Variants in KMT2C observed in about 807,000 individuals in gnomAD.
KMT2C encodes the protein histone-lysine N-methyltransferase 2C.
KMT2C carries 88 observed loss-of-function variants against 507.9 expected under a neutral mutation model. The observed-to-expected ratio is 0.17, with a 90% confidence interval of 0.15 to 0.21. The LOEUF (loss-of-function observed/expected upper bound fraction) is 0.21. Among genes scored for constraint, KMT2C ranks in the 10% least tolerant of loss-of-function variants. The pLI is 1.00. For synonymous variants in KMT2C, 2,049 were observed against 2,080.8 expected (o/e 0.98, Z 0.42); for missense variants, 4,954 against 5,957.8 (o/e 0.83, Z 5.55).
At chr7:152,175,029 C>T (rs2093135904) in intron 38 of KMT2C, among the ~76,000 whole-genome samples, 1 of 152,082 alleles carries the variant, frequency 6.6e-6, no homozygotes, top group East Asian at 1.9e-4. Context: ...AATGTAGGAA[C>T]TAAGAAGACA....
At chr7:152,360,587 ACT>A (rs1439047355) in intron 1 of KMT2C, among the ~76,000 whole-genome samples, 7 of 151,634 alleles carry the variant, frequency 4.6e-5, no homozygotes, top group Admixed American at 4.6e-4. Context: ...TAATCCCAGC[ACT>A]CTGAGAGGCC....
intron 48 of KMT2C, among the ~76,000 whole-genome samples, chr7:152,153,731 TAAAAAAA>T (rs34303062): frequency 7.7e-6 from 1 of 129,446 alleles, no homozygotes; most frequent in Non-Finnish European, 1.7e-5. Flanking sequence ...GTGTCTCTAT[TAAAAAAA>T]AAAAAAAAAA....
chr7:152,255,122 T>TAC (rs1170421215), intron 9 of KMT2C, among the ~76,000 whole-genome samples: 7 of 111,590 alleles, frequency 6.3e-5, no homozygotes, highest in Admixed American at 2.5e-4. Context: ...TATATATATA[T>TAC]ATATATATAT....
intron 40 of KMT2C, among the ~76,000 whole-genome samples, chr7:152,170,424 A>G (rs1329470212): frequency 6.6e-6 from 1 of 152,212 alleles, no homozygotes; most frequent in Non-Finnish European, 1.5e-5. Flanking sequence ...GCTTGATATT[A>G]TATTAAAAAT....
At chr7:152,169,023 G>A (rs1045781106) in intron 41 of KMT2C, among the ~76,000 whole-genome samples, 163 bp downstream of exon 41, 3 of 152,182 alleles carry the variant, frequency 2.0e-5, no homozygotes, top group South Asian at 2.1e-4. Context: ...GAAAACACAC[G>A]CCTTGAAGAA....
At chr7:152,158,377 C>G (rs2092223074) in intron 44 of KMT2C, among the ~76,000 whole-genome samples, 2 of 152,160 alleles carry the variant, frequency 1.3e-5, no homozygotes, top group African/African-American at 4.8e-5. Flanking sequence ...TTGACTATCA[C>G]CTATCAATCC....
intron 6 of KMT2C, among the ~76,000 whole-genome samples, chr7:152,288,563 T>TA (rs2096350279): frequency 5.7e-4 from 86 of 151,300 alleles, no homozygotes; most frequent in African/African-American, 1.9e-3. Flanking sequence ...TATTTTTTTT[T>TA]TAAAAAAGAC....
chr7:152,430,707 TAG>T (rs2097856567), intron 1 of KMT2C, among the ~76,000 whole-genome samples: 1 of 152,192 alleles, frequency 6.6e-6, no homozygotes, highest in Admixed American at 6.5e-5. Context: ...AATTTTTTTG[TAG>T]AGACAAGGCC....
chr7:152,195,976 C>G lies in KMT2C; in HGVS notation c.4309G>C (p.Val1437Leu). 1 of 1,609,620 alleles carries G rather than the reference C, an allele frequency of 6.2e-7. No individual in the cohort carries two copies. The highest frequency in any genetic ancestry group is 8.5e-7 in the Non-Finnish European group (1 of 1,176,900). ...ADDPLADISEVLNTDDDILGI... is the reference protein window; with the variant it reads ...ADDPLADISELLNTDDDILGI... ...AGAATGTCATCATCTGTGTTTAAAA[C>G]TTCAGAAATATCAGCTAATGGGTCA... Residue 1437 changes from valine to leucine, a missense_variant, in exon 28 of 59, where the codon GTT becomes CTT. This residue lies in a region of KMT2C where 140 missense variants were observed against 118.4 expected (regional missense o/e 1.18). Coordinates refer to ENST00000262189, the MANE Select transcript of KMT2C (RefSeq NM_170606.3).
chr7:152,264,108 A>G (rs1395871109), intron 8 of KMT2C, among the ~76,000 whole-genome samples: 4 of 152,198 alleles, frequency 2.6e-5, no homozygotes, highest in Admixed American at 2.6e-4. Context: ...ATCCTTCCCA[A>G]GAAACTGAGC....
chr7:152,367,362 C>G, intron 1 of KMT2C: 3 of 747,018 alleles, frequency 4.0e-6, no homozygotes, highest in Non-Finnish European at 6.9e-6. Context: ...CCAGGGAGCA[C>G]CTACCAGGGG....
intron 48 of KMT2C, among the ~76,000 whole-genome samples, chr7:152,153,605 T>G (rs548904949): frequency 6.6e-6 from 1 of 152,246 alleles, no homozygotes; most frequent in Non-Finnish European, 1.5e-5. Context: ...CTCACACATG[T>G]AGTCCCAGCT....
Position 152,199,337 on chromosome 7 carries a change from A to G in KMT2C, c.4215T>C (p.Asp1405=). Reference sequence around the variant, plus strand: ...AACTAAGTAGTGGATCTAAGGAAGGATCCAAGAAACCTGTGTTCATGTTTG... The same window carrying G: ...AACTAAGTAGTGGATCTAAGGAAGGGTCCAAGAAACCTGTGTTCATGTTTG... ...YKTNMNTGFL[D]PSLDPLLSSS... Residue 1405 remains aspartate (D), a synonymous_variant, in exon 27 of 59, where the codon GAT becomes GAC. Coordinates refer to ENST00000262189, the MANE Select transcript of KMT2C (RefSeq NM_170606.3). The G allele has an allele frequency of 1.2e-6, 2 of 1,605,610 alleles. No individual in the cohort carries two copies. The highest frequency in any genetic ancestry group is 1.7e-6 in the Non-Finnish European group (2 of 1,177,354).
chr7:152,369,694 G>A, intron 1 of KMT2C, among the ~76,000 whole-genome samples: 1 of 152,152 alleles, frequency 6.6e-6, no homozygotes, highest in East Asian at 1.9e-4. Context: ...GCCTCTCTTT[G>A]CAAACATGTG....
chr7:152,151,276 T>C (rs2129096541), intron 50 of KMT2C, among the ~76,000 whole-genome samples, 166 bp downstream of exon 50: 1 of 152,296 alleles, frequency 6.6e-6, no homozygotes, highest in Non-Finnish European at 1.5e-5. Flanking sequence ...TTGTAGCTCT[T>C]TGGTGTTCAG....
At chr7:152,350,701 A>G (rs2097103608) in intron 2 of KMT2C, among the ~76,000 whole-genome samples, 1 of 152,252 alleles carries the variant, frequency 6.6e-6, no homozygotes, top group Admixed American at 6.5e-5. Flanking sequence ...TAAAGGCCTC[A>G]AACATTACTA....
At chr7:152,263,732 C>A (rs1294078373) in intron 8 of KMT2C, among the ~76,000 whole-genome samples, 3 of 152,116 alleles carry the variant, frequency 2.0e-5, no homozygotes, top group Admixed American at 6.5e-5. Context: ...AAAATACGAA[C>A]CTTGTCATAA....
chr7:152,336,864 AC>A (rs1487404323), intron 2 of KMT2C, among the ~76,000 whole-genome samples: 1 of 152,220 alleles, frequency 6.6e-6, no homozygotes, highest in Non-Finnish European at 1.5e-5. Context: ...CACAAAATGC[AC>A]CAAAGTCAGA....
Position 152,146,712 on chromosome 7 carries a change from G to A in KMT2C, c.13918C>T (p.Pro4640Ser), listed in dbSNP as rs964093978. 6.2e-7 allele frequency: 1 copy of A among 1,613,734 alleles called. No individual in the cohort carries two copies. Among genetic ancestry groups the A allele is most frequent in the East Asian group, 2.2e-5 (1 of 44,866 alleles). Residue 4640 changes from proline (P) to serine (S), a missense_variant, in exon 53 of 59, where the codon CCT (proline) becomes TCT (serine). Physicochemically the swap from Pro to Ser is moderately conservative, Grantham distance 74. This residue lies in a region of KMT2C where 221 missense variants were observed against 304.7 expected (regional missense o/e 0.73). Transcript: ENST00000262189. ...PKGVWDKILE[P>S]VACVRKKSEM... ...GACTTTTTTCTCACACATGCCACAGGCTCCAAAATCTTATCCCAGACACCT... is the reference window on the plus strand; with the variant it reads ...GACTTTTTTCTCACACATGCCACAGACTCCAAAATCTTATCCCAGACACCT...
Sources: allele counts gnomAD v4.1 joint callset (sites outside exome capture counted in the v4.1 genomes callset), GRCh38; gene constraint gnomAD v4.1.1; regional missense constraint gnomAD v4.1.1; transcripts MANE v1.5; gene names NCBI Gene and HGNC (gene_info 2026-07-23, HGNC 2026-07-21).